The following TNRC6B variants were observed in gnomAD, a reference collection of about 807,000 sequenced individuals.
TNRC6B encodes trinucleotide repeat containing adaptor 6B.
In TNRC6B, 52 loss-of-function variants were observed where a neutral mutation model predicts 203.6. The ratio of observed to expected loss-of-function variants is 0.26; its 90% CI spans 0.20 to 0.32. TNRC6B has a LOEUF of 0.32. Ranked by LOEUF, TNRC6B falls within the 10% of genes least tolerant of loss-of-function variation. TNRC6B has a pLI of 1.00. For missense variants in TNRC6B, 1,923 were observed against 2,286.2 expected (o/e 0.84, Z 3.24); for synonymous variants, 838 against 845.7 (o/e 0.99, Z 0.16).
intron 1 of TNRC6B, among the ~76,000 whole-genome samples, chr22:40,197,096 G>A (rs1050513771): frequency 6.6e-6 from 1 of 152,070 alleles, no homozygotes; most frequent in Non-Finnish European, 1.5e-5. Context: ...TAATTGATTG[G>A]TTGAATCCCT....
chr22:40,202,032 T>C lies in TNRC6B; in HGVS notation c.5+23892T>C, dbSNP rs191789533. On this transcript the variant is annotated intron_variant, in intron 1 of 22. Transcript: ENST00000454349. ...TCAGGTTTGAAAGGGTCACGTAATG[T>C]TAATCACTAGGAAATACTTTTGTCT... Among the ~76,000 whole-genome samples the C allele has an allele frequency of 5.3e-4, 81 of 152,284 alleles. 1 individual carries two copies. The highest frequency in any genetic ancestry group is 1.1e-3 in the Non-Finnish European group (72 of 67,998).
chr22:40,259,576 C>T (rs974152494), intron 3 of TNRC6B, among the ~76,000 whole-genome samples: 3 of 152,128 alleles, frequency 2.0e-5, no homozygotes, highest in African/African-American at 7.2e-5. Context: ...GATTTTGGAT[C>T]CTCTGACCTC....
chr22:40,303,884 C>T (rs1030328373), intron 15 of TNRC6B, among the ~76,000 whole-genome samples: 5 of 152,220 alleles, frequency 3.3e-5, no homozygotes, highest in Non-Finnish European at 7.3e-5. Context: ...GCACTCCAGC[C>T]TGGCGACAGA....
intron 1 of TNRC6B, among the ~76,000 whole-genome samples, chr22:40,244,976 T>C (rs994208177): frequency 6.6e-6 from 1 of 152,270 alleles, no homozygotes; most frequent in African/African-American, 2.4e-5. Flanking sequence ...TGTTTATGAT[T>C]GTATACCATT....
intron 1 of TNRC6B, among the ~76,000 whole-genome samples, chr22:40,219,383 G>A (rs2069677818): frequency 6.6e-6 from 1 of 152,168 alleles, no homozygotes; most frequent in Non-Finnish European, 1.5e-5. Context: ...CCTAAGCAAA[G>A]GTCTAGGCTT....
At position 40,143,506 on chromosome 22, in the gene TNRC6B, G is replaced by A. The variant is rs530876029; in HGVS notation, c.46-12609G>A. Among the ~76,000 whole-genome samples, 10 of 151,736 alleles carry A rather than the reference G, an allele frequency of 6.6e-5. 1 individual carries two copies. The highest frequency in any genetic ancestry group is 2.2e-4 in the African/African-American group (9 of 41,414). On this transcript the variant is annotated intron_variant, in intron 3 of 23. Coordinates refer to the TNRC6B transcript ENST00000301923. Reference sequence around the variant, plus strand: ...ATTTGCAATACATCTTTTTTTGTGGGGGGGATAGAGTCTCGCTCTGTCACC... The same window carrying A: ...ATTTGCAATACATCTTTTTTTGTGGAGGGGATAGAGTCTCGCTCTGTCACC...
chr22:40,058,831 G>A (rs898823235), intron 1 of TNRC6B, among the ~76,000 whole-genome samples: 7 of 152,046 alleles, frequency 4.6e-5, no homozygotes, highest in African/African-American at 1.7e-4. Flanking sequence ...TTTGGACTTT[G>A]ACCTTCTCAT....
intron 1 of TNRC6B, among the ~76,000 whole-genome samples, chr22:40,226,049 G>C (rs1004044256): frequency 6.6e-6 from 1 of 152,146 alleles, no homozygotes; most frequent in Non-Finnish European, 1.5e-5. Flanking sequence ...TATAATTTTA[G>C]TTGAAGAATT....
Position 40,052,296 on chromosome 22 carries a change from A to C in TNRC6B, c.-121+7298A>C, listed in dbSNP as rs972155133. On this transcript the variant is annotated intron_variant, in intron 1 of 23. Transcript: ENST00000301923. ...TACGGTCTTTACCAATTTGCGTTAT[A>C]ATCAGAGGTAATATTACAATATTTA... is the stretch of plus-strand genomic sequence containing the variant. 5.3e-5 allele frequency among the ~76,000 whole-genome samples: 8 copies of C among 152,294 alleles called. No homozygotes were observed. In the South Asian group the frequency reaches 1.0e-3, roughly 20 times the overall value.
chr22:40,174,518 A>G (rs1336493004), upstream of TNRC6B, among the ~76,000 whole-genome samples: 2 of 152,352 alleles, frequency 1.3e-5, no homozygotes, highest in East Asian at 3.9e-4. Context: ...GAGGAATGGT[A>G]TGTAACCTCC....
intron 1 of TNRC6B, among the ~76,000 whole-genome samples, chr22:40,087,229 G>A (rs978472535): frequency 6.6e-6 from 1 of 152,216 alleles, no homozygotes; most frequent in Non-Finnish European, 1.5e-5. Flanking sequence ...TATGAATCAA[G>A]TTAGAGGAGA....
At chr22:40,190,101 G>A (rs2069253057) in intron 1 of TNRC6B, among the ~76,000 whole-genome samples, 2 of 152,086 alleles carry the variant, frequency 1.3e-5, no homozygotes, top group African/African-American at 4.8e-5. Flanking sequence ...GTATGTGCTG[G>A]CTGGTTTTAT....
chr22:40,278,843 G>A (rs1010859062), intron 9 of TNRC6B, among the ~76,000 whole-genome samples: 12 of 152,216 alleles, frequency 7.9e-5, no homozygotes, highest in African/African-American at 2.9e-4. Context: ...AGGTTCAAGC[G>A]ATTTTTCCCG....
chr22:40,270,770 G>A (rs945690366), intron 6 of TNRC6B, among the ~76,000 whole-genome samples: 4 of 152,222 alleles, frequency 2.6e-5, no homozygotes, highest in Admixed American at 6.5e-5. Context: ...TTGGCTTGGC[G>A]TTTCTTAAAA....
chr22:40,191,421 A>G (rs1456527665), intron 1 of TNRC6B, among the ~76,000 whole-genome samples: 1 of 152,164 alleles, frequency 6.6e-6, no homozygotes, highest in East Asian at 1.9e-4. Context: ...TGTTTCAGGC[A>G]GAAGAAATAG....
chr22:40,149,523 C>T (rs187429041), intron 3 of TNRC6B, among the ~76,000 whole-genome samples: 23 of 151,690 alleles, frequency 1.5e-4, no homozygotes, highest in East Asian at 7.8e-4. Context: ...AAAAAAAATT[C>T]GCCAGGCGTG....
intron 3 of TNRC6B, among the ~76,000 whole-genome samples, chr22:40,145,878 T>C (rs1366689127): frequency 6.6e-6 from 1 of 151,818 alleles, no homozygotes; most frequent in Non-Finnish European, 1.5e-5. Context: ...TAGGATGCAG[T>C]CTGTATGGAG....
At chr22:40,055,432 C>T (rs965097849) in intron 1 of TNRC6B, among the ~76,000 whole-genome samples, 3 of 152,114 alleles carry the variant, frequency 2.0e-5, no homozygotes, top group Non-Finnish European at 4.4e-5. Flanking sequence ...AGATGACCGG[C>T]ACAGCGGTAT....
At chr22:40,045,885 G>A (rs2067683754) in intron 1 of TNRC6B, among the ~76,000 whole-genome samples, 1 of 152,344 alleles carries the variant, frequency 6.6e-6, no homozygotes, top group Non-Finnish European at 1.5e-5. Flanking sequence ...GGGACTTTAA[G>A]TTCGTGCTTT....
Sources: gnomAD v4.1 joint callset for allele counts (sites outside exome capture counted in the v4.1 genomes callset) on GRCh38, gnomAD v4.1.1 for gene constraint, MANE v1.5 for transcripts, NCBI Gene and HGNC (gene_info 2026-07-23, HGNC 2026-07-21) for gene names.